Variants in IQCE observed in about 807,000 individuals in gnomAD.
IQCE encodes IQ motif containing E.
A neutral mutation model predicts 96.0 loss-of-function variants in IQCE; 115 were observed. The observed-to-expected ratio is 1.20, with a 90% CI of 1.03 to 1.40. The LOEUF is 1.40. IQCE is among the 40% of genes most tolerant of loss of function. IQCE has a pLI of 0.00. For synonymous variants in IQCE, 412 were observed against 371.2 expected, an observed-to-expected ratio of 1.11 and a Z score of -1.26; for missense variants, 1,041 against 909.1, an observed-to-expected ratio of 1.15 and a Z score of -1.87.
chr7:2,559,145 C>T lies in IQCE; in HGVS notation c.-37C>T. 2 of 1,210,088 alleles carry T rather than the reference C, an allele frequency of 1.7e-6. No individual in the cohort carries two copies. The highest frequency in any genetic ancestry group is 2.1e-6 in the Non-Finnish European group (2 of 972,830). 75.0% of individuals were successfully genotyped at this position (1,210,088 alleles called of 1,614,324 possible). ...GATTCCCAGACCCGGACGCCCGAGC[C>T]AGCAACCCTGAGGGGCGGCCGGGCA... On this transcript the variant is annotated 5_prime_UTR_variant, in exon 1 of 22. An upstream open reading frame in the 5' UTR gains an earlier in-frame stop. Coordinates refer to ENST00000402050, the MANE Select transcript of IQCE (RefSeq NM_152558.5).
At chr7:2,587,755 T>C (rs2128456198) in intron 12 of IQCE, 67 bp from the exon 13 acceptor site, 1 of 1,497,896 alleles carries the variant, frequency 6.7e-7, no homozygotes, top group Admixed American at 1.7e-5. Context: ...AGGCCATACC[T>C]GAGAAGGGTG....
At chr7:2,562,656 A>G (rs573030881) in intron 1 of IQCE, among the ~76,000 whole-genome samples, 4 of 149,126 alleles carry the variant, frequency 2.7e-5, no homozygotes, top group Non-Finnish European at 5.9e-5. Flanking sequence ...TTCTTGGCTA[A>G]AGGTTTGTCA....
At chr7:2,562,285 C>CATATATATATATATATATATATAT (rs59044593) in intron 1 of IQCE, among the ~76,000 whole-genome samples, 2 of 146,248 alleles carry the variant, frequency 1.4e-5, no homozygotes, top group African/African-American at 5.1e-5. Context: ...AATTAGGGTA[C>CATATATATATATATATATATATAT]ATATATATAT....
In IQCE at chr7:2,595,561, A is replaced by AC. The variant is rs572947281; in HGVS notation, c.1440+588dup. On this transcript the variant is annotated intron_variant, in intron 16 of 21. Coordinates refer to ENST00000402050, the MANE Select transcript of IQCE (RefSeq NM_152558.5). ...CACTCCCTCAGCGTGTGTGGACGCT[A>AC]CCCGGGGGCAGCTAGTCGCGGCGGC... is the stretch of plus-strand genomic sequence containing the variant. Among the ~76,000 whole-genome samples the AC allele has an allele frequency of 2.6e-4, 40 of 152,226 alleles. No homozygotes were observed. The South Asian group carries it at 8.1e-3, about 31-fold the overall frequency.
At chr7:2,573,217 C>A (rs1781884054) in intron 5 of IQCE, among the ~76,000 whole-genome samples, 1 of 152,232 alleles carries the variant, frequency 6.6e-6, no homozygotes, top group Non-Finnish European at 1.5e-5. Context: ...TCATCTCTCT[C>A]TATCTACCAT....
At chr7:2,572,926 C>T in intron 5 of IQCE, 1 of 340,648 alleles carries the variant, frequency 2.9e-6, no homozygotes, top group South Asian at 2.3e-5. Flanking sequence ...CCTCACTGTA[C>T]TCCAGGAATT....
rs889898492 is a variant in IQCE, at chr7:2,598,430, C to T, written c.1441-35C>T. 2.0e-6 allele frequency: 3 copies of T among 1,533,630 alleles called. No individual in the cohort carries two copies. The African/African-American group carries it at 4.2e-5, about 21-fold the overall frequency. On this transcript the variant is annotated intron_variant, in intron 16 of 21. Coordinates refer to ENST00000402050, the MANE Select transcript of IQCE (RefSeq NM_152558.5). ...CGGATACTGGTTGTCCCTGCCCTGG[C>T]TTCATTGTCCTCTTACTCCTTCAAT...
chr7:2,571,775 C>T, intron 4 of IQCE, 121 bp downstream of exon 4: 1 of 1,130,784 alleles, frequency 8.8e-7, no homozygotes, highest in Non-Finnish European at 1.2e-6. Context: ...CTTTAGTTTT[C>T]TCGAAGACAT....
chr7:2,573,550 T>C, intron 6 of IQCE, 62 bp downstream of exon 6: 1 of 928,652 alleles, frequency 1.1e-6, no homozygotes, highest in Non-Finnish European at 1.7e-6. Context: ...AACAATGTAT[T>C]AGAACATCAG....
intron 14 of IQCE, among the ~76,000 whole-genome samples, chr7:2,592,562 C>T (rs946171835): frequency 6.6e-6 from 1 of 152,216 alleles, no homozygotes; most frequent in African/African-American, 2.4e-5. Flanking sequence ...CGTCGAAGGC[C>T]AGTGTGTGGC....
At chr7:2,595,189 G>C (rs1783928953) in intron 16 of IQCE, among the ~76,000 whole-genome samples, 1 of 152,224 alleles carries the variant, frequency 6.6e-6, no homozygotes, top group Non-Finnish European at 1.5e-5. Flanking sequence ...TTCTCGAACT[G>C]ATATTTGAGT....
intron 1 of IQCE, 78 bp downstream of exon 1, chr7:2,559,295 G>T: frequency 2.2e-6 from 2 of 903,406 alleles, no homozygotes; most frequent in Non-Finnish European, 2.9e-6. Context: ...CAGCCTCGGG[G>T]CCCCGCGCAG....
intron 6 of IQCE, 41 bp from the exon 7 acceptor site, chr7:2,578,201 G>T (rs769989697): frequency 2.7e-6 from 4 of 1,496,650 alleles, no homozygotes; most frequent in Non-Finnish European, 3.7e-6. Context: ...CGTGTGCGCA[G>T]CTTCGTGTGG....
intron 15 of IQCE, among the ~76,000 whole-genome samples, chr7:2,593,930 G>A (rs976251584): frequency 1.3e-5 from 2 of 152,198 alleles, no homozygotes; most frequent in Admixed American, 1.3e-4. Flanking sequence ...GACATATTTA[G>A]CACTCAGAAT....
chr7:2,563,536 A>G (rs971558995), intron 1 of IQCE, among the ~76,000 whole-genome samples: 1 of 152,046 alleles, frequency 6.6e-6, no homozygotes, highest in African/African-American at 2.4e-5. Flanking sequence ...GTGGAAGATT[A>G]GGTTATTTAT....
chr7:2,608,824 T>A (rs1391771527), intron 21 of IQCE, among the ~76,000 whole-genome samples: 1 of 152,114 alleles, frequency 6.6e-6, no homozygotes, highest in Non-Finnish European at 1.5e-5. Context: ...GTGAAAAGTA[T>A]AAATCAAGCT....
At chr7:2,576,240 G>A (rs945791413) in intron 6 of IQCE, among the ~76,000 whole-genome samples, 3 of 152,134 alleles carry the variant, frequency 2.0e-5, no homozygotes, top group South Asian at 4.1e-4. Flanking sequence ...GATGGCTGGT[G>A]GTTAGATGCA....
chr7:2,570,559 T>C (rs1169453573), intron 3 of IQCE, among the ~76,000 whole-genome samples: 3 of 152,048 alleles, frequency 2.0e-5, no homozygotes, highest in Non-Finnish European at 4.4e-5. Context: ...TCACATAAAT[T>C]GTGAAACCGC....
At chr7:2,592,129 G>A (rs1783646501) in intron 14 of IQCE, among the ~76,000 whole-genome samples, 1 of 152,224 alleles carries the variant, frequency 6.6e-6, no homozygotes, top group African/African-American at 2.4e-5. Context: ...AGAAAAACTT[G>A]GCCGGTGCCT....
Sources: allele counts gnomAD v4.1 joint callset (sites outside exome capture counted in the v4.1 genomes callset), GRCh38; gene constraint gnomAD v4.1.1; transcripts MANE v1.5; gene names NCBI Gene and HGNC (gene_info 2026-07-23, HGNC 2026-07-21).